Variants in NCEH1 observed in about 807,000 individuals in gnomAD.
NCEH1 encodes the protein 2-acetyl MAGE hydrolase.
In NCEH1, 9 loss-of-function variants were observed where a neutral mutation model predicts 25.4. The observed-to-expected ratio is 0.35, with a 90% confidence interval of 0.21 to 0.62. NCEH1 has a LOEUF of 0.62. Among genes scored for constraint, NCEH1 ranks in the 20% least tolerant of loss-of-function variants. NCEH1 has a pLI of 0.72. For missense variants in NCEH1, 412 were observed against 501.1 expected (o/e 0.82, Z 1.70); for synonymous variants, 200 against 199.8 (o/e 1.00, Z -0.01).
chr3:172,692,916 C>T (rs1713148473), intron 1 of NCEH1, among the ~76,000 whole-genome samples: 1 of 152,190 alleles, frequency 6.6e-6, no homozygotes, highest in African/African-American at 2.4e-5. Context: ...GCTCTTTCAC[C>T]TCAGACTCTT....
chr3:172,673,492 T>G (rs1711767173), intron 1 of NCEH1, among the ~76,000 whole-genome samples: 1 of 152,240 alleles, frequency 6.6e-6, no homozygotes, highest in Non-Finnish European at 1.5e-5. Context: ...ACATTTATAC[T>G]GACTCCAAGT....
chr3:172,640,155 T>C (rs555026529), intron 3 of NCEH1, among the ~76,000 whole-genome samples: 31 of 152,342 alleles, frequency 2.0e-4, no homozygotes, highest in Admixed American at 1.9e-3. Context: ...AGGTGAAAGA[T>C]ACATGCGGCA....
chr3:172,635,927 G>C lies in NCEH1; in HGVS notation c.598C>G (p.Leu200Val). The C allele has an allele frequency of 1.2e-6, 2 of 1,614,048 alleles. No homozygotes were observed. The highest frequency in any genetic ancestry group is 1.7e-6 in the Non-Finnish European group (2 of 1,179,960). Reference protein sequence around the residue: ...DSAGGNLAAALGQQFTQDASL... With the variant: ...DSAGGNLAAAVGQQFTQDASL... ...GACAGTGGTGTTACCTGTTGTCCAA[G>C]GGCAGCAGCCAGATTTCCACCAGCA... The change falls in exon 4 of 5, where the codon CTT (leucine) becomes GTT (valine). Residue 200 changes from leucine to valine, a missense_variant. Leu to Val is a conservative substitution (Grantham distance 32). This residue lies in a region of NCEH1 where 210 missense variants were observed against 258.2 expected (regional missense o/e 0.81). Coordinates refer to ENST00000475381, the MANE Select transcript of NCEH1 (RefSeq NM_020792.6).
At chr3:172,671,613 A>G (rs1711632665) in intron 1 of NCEH1, among the ~76,000 whole-genome samples, 2 of 151,996 alleles carry the variant, frequency 1.3e-5, no homozygotes, top group African/African-American at 2.4e-5. Flanking sequence ...ACACATGCAC[A>G]TATCAGGTGT....
At chr3:172,703,417 A>C (rs1387747201) in intron 1 of NCEH1, among the ~76,000 whole-genome samples, 5 of 149,926 alleles carry the variant, frequency 3.3e-5, no homozygotes, top group Non-Finnish European at 1.5e-5. Context: ...AATCCCAGCT[A>C]CTCGGGAGGC....
intron 1 of NCEH1, among the ~76,000 whole-genome samples, chr3:172,682,333 CCT>C (rs1712427936): frequency 6.6e-6 from 1 of 152,214 alleles, no homozygotes; most frequent in South Asian, 2.1e-4. Context: ...TAAATCCTGC[CCT>C]GAGGTCAAAA....
intron 1 of NCEH1, among the ~76,000 whole-genome samples, chr3:172,671,893 TCATTGTGA>T (rs1430450730): frequency 6.6e-6 from 1 of 152,204 alleles, no homozygotes; most frequent in African/African-American, 2.4e-5. Context: ...GGCATTGTTG[TCATTGTGA>T]CATTGTAGTG....
chr3:172,641,808 T>C (rs1716864884), intron 3 of NCEH1, among the ~76,000 whole-genome samples: 1 of 152,184 alleles, frequency 6.6e-6, no homozygotes, highest in South Asian at 2.1e-4. Flanking sequence ...CCATGACAAA[T>C]CCACTTTTTC....
chr3:172,634,807 A>T (rs1716530774), intron 4 of NCEH1, among the ~76,000 whole-genome samples: 1 of 152,218 alleles, frequency 6.6e-6, no homozygotes, highest in African/African-American at 2.4e-5. Context: ...CTAACTAGTC[A>T]TGAAGCTTCA....
chr3:172,645,589 G>GA (rs1270607101), intron 3 of NCEH1, 34 bp downstream of exon 3: 10 of 1,391,842 alleles, frequency 7.2e-6, no homozygotes, highest in Non-Finnish European at 1.0e-5. Context: ...TCCTTTATAA[G>GA]AAAAATTTTC....
At chr3:172,668,302 C>T (rs1718314111) in intron 1 of NCEH1, among the ~76,000 whole-genome samples, 1 of 147,170 alleles carries the variant, frequency 6.8e-6, no homozygotes, top group Admixed American at 6.8e-5. Context: ...GTAAATAACC[C>T]TAACTGGAAC....
intron 1 of NCEH1, among the ~76,000 whole-genome samples, chr3:172,699,095 C>T (rs1054195646): frequency 3.3e-5 from 5 of 152,048 alleles, no homozygotes; most frequent in African/African-American, 1.2e-4. Flanking sequence ...AAAACGCTAG[C>T]AGAGTGTTGA....
intron 1 of NCEH1, among the ~76,000 whole-genome samples, chr3:172,707,034 C>T (rs1387846076): frequency 6.6e-6 from 1 of 151,918 alleles, no homozygotes; most frequent in African/African-American, 2.4e-5. Flanking sequence ...AGAGGGATTA[C>T]GGGGTCAAAA....
chr3:172,700,990 T>C (rs1713646047), intron 1 of NCEH1, among the ~76,000 whole-genome samples: 1 of 152,192 alleles, frequency 6.6e-6, no homozygotes, highest in Non-Finnish European at 1.5e-5. Flanking sequence ...AGCCTCTTTT[T>C]CCACTTGCCA....
At position 172,633,334 on chromosome 3, in the gene NCEH1, C is replaced by T. The variant is rs1420602009; in HGVS notation, c.*141G>A. On this transcript the variant is annotated 3_prime_UTR_variant, in exon 5 of 5. Transcript: ENST00000475381. ...TTTAAAAATTAGGTTATCATAAAGA[C>T]TTCAGTTATGGAATAGAAATTCCAT... 7.4e-6 allele frequency: 6 copies of T among 810,234 alleles called. No homozygotes were observed. Among genetic ancestry groups the T allele is most frequent in the African/African-American group, 6.9e-5 (4 of 57,578 alleles). The allele number at this position is 810,234 out of a possible 1,614,324, so 50.2% of individuals were successfully genotyped here. A position where few individuals can be genotyped will look rare whatever the true frequency, so the allele number is the denominator to read the frequency against.
At chr3:172,634,135 T>C in intron 4 of NCEH1, 43 bp from the exon 5 acceptor site, 1 of 1,570,718 alleles carries the variant, frequency 6.4e-7, no homozygotes, top group South Asian at 1.2e-5. Context: ...TTTGCATGCC[T>C]TCTTTTATAG....
At chr3:172,673,947 G>A (rs867008515) in intron 1 of NCEH1, among the ~76,000 whole-genome samples, 1 of 152,142 alleles carries the variant, frequency 6.6e-6, no homozygotes, top group Non-Finnish European at 1.5e-5. Context: ...TTTTACTTGG[G>A]AATGGATAAA....
At chr3:172,705,835 A>G (rs529283004) in intron 1 of NCEH1, among the ~76,000 whole-genome samples, 6 of 152,080 alleles carry the variant, frequency 3.9e-5, no homozygotes, top group Admixed American at 1.3e-4. Flanking sequence ...TGTCCTTACT[A>G]AAAAATACAA....
At chr3:172,652,873 T>TTC (rs1717471341) in intron 1 of NCEH1, among the ~76,000 whole-genome samples, 1 of 151,590 alleles carries the variant, frequency 6.6e-6, no homozygotes, top group Non-Finnish European at 1.5e-5. Flanking sequence ...TTTTTGTATT[T>TTC]TTTTTTTTTT....
Sources: allele counts gnomAD v4.1 joint callset (sites outside exome capture counted in the v4.1 genomes callset), GRCh38; gene constraint gnomAD v4.1.1; regional missense constraint gnomAD v4.1.1; transcripts MANE v1.5; gene names NCBI Gene and HGNC (gene_info 2026-07-23, HGNC 2026-07-21).